COA1: variants seen among roughly 807,000 people sequenced by gnomAD.
The protein encoded by COA1 is cytochrome c oxidase assembly factor 1 homolog.
A neutral mutation model predicts 16.0 loss-of-function variants in COA1; 13 were observed. The ratio of observed to expected loss-of-function variants is 0.81; its 90% CI spans 0.53 to 1.29. COA1 has a LOEUF of 1.29. Ranked by LOEUF, COA1 falls within the 50% of genes most tolerant of loss-of-function variation. COA1 has a pLI of 0.00. For synonymous variants in COA1, 65 were observed against 65.7 expected, an observed-to-expected ratio of 0.99 and a Z score of 0.05; for missense variants, 179 against 177.0, an observed-to-expected ratio of 1.01 and a Z score of -0.06.
intron 1 of COA1, among the ~76,000 whole-genome samples, chr7:43,713,178 C>A (rs999664266): frequency 2.6e-5 from 4 of 152,178 alleles, no homozygotes; most frequent in Admixed American, 1.3e-4. Context: ...TCTTGAACTC[C>A]TGACCTCAAG....
At chr7:43,614,758 T>C (rs1296944275) in intron 6 of COA1, among the ~76,000 whole-genome samples, 1 of 152,224 alleles carries the variant, frequency 6.6e-6, no homozygotes, top group Non-Finnish European at 1.5e-5. Context: ...CATTGGTGTA[T>C]CATAGATGCA....
intron 1 of COA1, chr7:43,658,808 C>G (rs1422721241): frequency 2.0e-5 from 3 of 152,266 alleles, no homozygotes; most frequent in Admixed American, 6.5e-5. Context: ...ATTTGAAAAC[C>G]AGGGGAAGGG....
intron 1 of COA1, among the ~76,000 whole-genome samples, chr7:43,691,327 A>AAG (rs1248064953): frequency 7.7e-5 from 7 of 90,380 alleles, no homozygotes; most frequent in Non-Finnish European, 1.6e-4. Context: ...GAAAGAAAGA[A>AAG]AGAGAAAGAG....
chr7:43,716,405 T>C (rs181246323), intron 1 of COA1, among the ~76,000 whole-genome samples: 5 of 152,304 alleles, frequency 3.3e-5, no homozygotes, highest in East Asian at 1.9e-4. Context: ...ACTCCTGTTA[T>C]GTTTTAGCAA....
exon 7 of COA1, chr7:43,608,672 G>T: frequency 3.9e-6 from 1 of 256,932 alleles, no homozygotes; most frequent in Non-Finnish European, 7.3e-6. Flanking sequence ...CTTTTGAAAA[G>T]TTAGGATTTA....
chr7:43,611,390 A>G (rs1237260129), intron 6 of COA1, among the ~76,000 whole-genome samples: 1 of 152,200 alleles, frequency 6.6e-6, no homozygotes, highest in Non-Finnish European at 1.5e-5. Context: ...CATGGCTAAA[A>G]TGGACACTCA....
At chr7:43,687,830 C>T (rs139319566) in intron 1 of COA1, among the ~76,000 whole-genome samples, 3 of 152,028 alleles carry the variant, frequency 2.0e-5, no homozygotes, top group African/African-American at 7.2e-5. Context: ...CCTGTACTTC[C>T]ATTAACAGGC....
rs564463679 is a variant in COA1 at position 43,666,894 on chromosome 7, T to G, written c.-38-18242A>C. On this transcript the variant is annotated intron_variant, in intron 1 of 5. Coordinates refer to ENST00000223336, the MANE Select transcript of COA1 (RefSeq NM_018224.4). Reference sequence around the variant, plus strand: ...ATATTAATTAAACTCAAAAGGGTATTATATGGTCTTTTCACAAATTGGACA... The same window carrying G: ...ATATTAATTAAACTCAAAAGGGTATGATATGGTCTTTTCACAAATTGGACA... 3.8e-4 allele frequency among the ~76,000 whole-genome samples: 58 copies of G among 152,196 alleles called. 1 individual carries two copies. The highest frequency in any genetic ancestry group is 2.5e-3 in the Admixed American group (38 of 15,278).
At chr7:43,627,941 T>C (rs1378861346) in intron 6 of COA1, among the ~76,000 whole-genome samples, 1 of 152,152 alleles carries the variant, frequency 6.6e-6, no homozygotes, top group Non-Finnish European at 1.5e-5. Context: ...GAGATTCATC[T>C]ATGTCGATGC....
chr7:43,666,115 G>A (rs142788659), intron 1 of COA1, among the ~76,000 whole-genome samples: 179 of 152,202 alleles, frequency 1.2e-3, no homozygotes, highest in African/African-American at 4.2e-3. Flanking sequence ...ACATCTTTTA[G>A]CTCATCTTTT....
At chr7:43,661,611 T>C (rs2153163963) in intron 1 of COA1, among the ~76,000 whole-genome samples, 1 of 144,330 alleles carries the variant, frequency 6.9e-6, no homozygotes, top group East Asian at 2.0e-4. Context: ...CACTCCAGCC[T>C]GGGCGATAGA....
chr7:43,647,331 T>A (rs905741858), intron 3 of COA1: 1 of 597,578 alleles, frequency 1.7e-6, no homozygotes, highest in African/African-American at 1.9e-5. Flanking sequence ...TCCTGGTCCT[T>A]TTATTTGTAC....
intron 6 of COA1, among the ~76,000 whole-genome samples, chr7:43,633,873 T>C (rs2085438541): frequency 6.6e-6 from 1 of 152,162 alleles, no homozygotes; most frequent in Non-Finnish European, 1.5e-5. Context: ...GATTCAAATG[T>C]TAGGTCTTTA....
At chr7:43,661,882 T>C (rs1007307572) in intron 1 of COA1, among the ~76,000 whole-genome samples, 2 of 152,238 alleles carry the variant, frequency 1.3e-5, no homozygotes, top group African/African-American at 4.8e-5. Flanking sequence ...ATGAGATTCA[T>C]GGTGAAAGTA....
chr7:43,716,862 A>C (rs1585435427), intron 1 of COA1, among the ~76,000 whole-genome samples: 1 of 151,872 alleles, frequency 6.6e-6, no homozygotes, highest in Non-Finnish European at 1.5e-5. Flanking sequence ...TGTCCCAGCT[A>C]CTCCAGCTGT....
At chr7:43,685,301 C>T (rs2093972883) in intron 1 of COA1, among the ~76,000 whole-genome samples, 1 of 152,128 alleles carries the variant, frequency 6.6e-6, no homozygotes, top group South Asian at 2.1e-4. Context: ...CTATAGACAT[C>T]CTACTCTCAA....
intron 1 of COA1, among the ~76,000 whole-genome samples, chr7:43,686,437 G>A (rs937677132): frequency 4.6e-5 from 7 of 151,346 alleles, no homozygotes; most frequent in African/African-American, 1.5e-4. Context: ...CTCCCGAGTA[G>A]CTGGGACTAC....
intron 1 of COA1, among the ~76,000 whole-genome samples, chr7:43,679,264 CAAAAAA>C (rs10618048): frequency 2.4e-5 from 2 of 84,096 alleles, no homozygotes; most frequent in Non-Finnish European, 4.5e-5. Flanking sequence ...AACTCCATTG[CAAAAAA>C]AAAAAAAAAA....
chr7:43,616,108 A>G (rs2083316226), intron 6 of COA1, among the ~76,000 whole-genome samples: 1 of 152,182 alleles, frequency 6.6e-6, no homozygotes. Context: ...CAATCAATAA[A>G]TATTTGTTGA....
Sources: gnomAD v4.1 joint callset for allele counts (sites outside exome capture counted in the v4.1 genomes callset) on GRCh38, gnomAD v4.1.1 for gene constraint, MANE v1.5 for transcripts, NCBI Gene and HGNC (gene_info 2026-07-23, HGNC 2026-07-21) for gene names.